FBXL13: variants seen among roughly 807,000 people sequenced by gnomAD.
FBXL13 encodes the protein F-box and leucine-rich repeat protein 13.
FBXL13 carries 67 observed loss-of-function variants against 83.6 expected under a neutral mutation model. The ratio of observed to expected loss-of-function variants is 0.80; its 90% CI spans 0.66 to 0.98. The LOEUF is 0.98. Among genes scored for constraint, FBXL13 ranks in the 50% least tolerant of loss-of-function variants. The pLI is 0.00. For synonymous variants in FBXL13, 272 were observed against 299.5 expected (o/e 0.91, Z 0.95); for missense variants, 822 against 866.5 (o/e 0.95, Z 0.64).
chr7:102,844,413 G>C (rs1180718018), intron 17 of FBXL13, among the ~76,000 whole-genome samples: 1 of 152,136 alleles, frequency 6.6e-6, no homozygotes, highest in African/African-American at 2.4e-5. Flanking sequence ...CAAATTACTT[G>C]TAGGTAGAGT....
At chr7:102,875,296 ATG>A (rs1809071413) in intron 16 of FBXL13, among the ~76,000 whole-genome samples, 1 of 152,112 alleles carries the variant, frequency 6.6e-6, no homozygotes, top group Middle Eastern at 3.2e-3. Context: ...AAAAGAATCT[ATG>A]TCAAAAGGAA....
chr7:103,031,575 C>T (rs1014225617), intron 2 of FBXL13, among the ~76,000 whole-genome samples: 2 of 152,134 alleles, frequency 1.3e-5, no homozygotes, highest in African/African-American at 4.8e-5. Context: ...CCTCACATAA[C>T]ACTCACACCA....
chr7:102,976,691 C>T (rs181825969), intron 6 of FBXL13, among the ~76,000 whole-genome samples: 1 of 152,308 alleles, frequency 6.6e-6, no homozygotes, highest in African/African-American at 2.4e-5. Context: ...GTTCCTATCA[C>T]AGAAGCAGTA....
At chr7:102,881,785 T>C (rs978253153) in intron 14 of FBXL13, among the ~76,000 whole-genome samples, 2 of 152,204 alleles carry the variant, frequency 1.3e-5, no homozygotes, top group Non-Finnish European at 2.9e-5. Context: ...ACTGGGGCTG[T>C]AGGGTCTGCT....
intron 19 of FBXL13, among the ~76,000 whole-genome samples, chr7:102,817,365 T>C (rs1798154540): frequency 6.6e-6 from 1 of 152,228 alleles, no homozygotes; most frequent in Non-Finnish European, 1.5e-5. Flanking sequence ...TTAGTGATGT[T>C]GAGCATTTTT....
At chr7:102,923,307 C>T (rs1817450976) in intron 10 of FBXL13, among the ~76,000 whole-genome samples, 1 of 151,954 alleles carries the variant, frequency 6.6e-6, no homozygotes, top group South Asian at 2.1e-4. Context: ...TAAATCAAGC[C>T]CCGATTTGTA....
At chr7:102,827,297 T>G in intron 18 of FBXL13, 1 of 305,966 alleles carries the variant, frequency 3.3e-6, no homozygotes, top group Non-Finnish European at 7.3e-6. Context: ...AAGAGATGAC[T>G]GCAAAGAGAT....
At chr7:102,968,197 G>T in intron 6 of FBXL13, 80 bp from the exon 8 acceptor site, 1 of 850,428 alleles carries the variant, frequency 1.2e-6, no homozygotes. Context: ...GTCTGTGTGT[G>T]TGCACACATG....
intron 16 of FBXL13, among the ~76,000 whole-genome samples, chr7:102,862,929 T>C (rs565639336): frequency 1.3e-5 from 2 of 152,352 alleles, no homozygotes; most frequent in African/African-American, 4.8e-5. Flanking sequence ...CTCTTCTCTT[T>C]GTGACTCTCA....
chr7:102,896,556 T>C (rs1038713671), intron 11 of FBXL13, among the ~76,000 whole-genome samples: 4 of 152,212 alleles, frequency 2.6e-5, no homozygotes, highest in Non-Finnish European at 5.9e-5. Flanking sequence ...AACAGAAATG[T>C]ATTCTCTGGT....
At chr7:102,969,514 G>C (rs1015703488) in intron 6 of FBXL13, among the ~76,000 whole-genome samples, 1 of 151,836 alleles carries the variant, frequency 6.6e-6, no homozygotes, top group East Asian at 1.9e-4. Flanking sequence ...GAGAGAGAGA[G>C]AAATCCAGGA....
At chr7:102,823,746 T>G (rs1799144254) in intron 18 of FBXL13, among the ~76,000 whole-genome samples, 1 of 152,378 alleles carries the variant, frequency 6.6e-6, no homozygotes, top group Non-Finnish European at 1.5e-5. Context: ...GGCTCTTGTT[T>G]TAACATAAAG....
At chr7:103,050,352 G>C (rs904026882) in intron 2 of FBXL13, among the ~76,000 whole-genome samples, 1 of 152,156 alleles carries the variant, frequency 6.6e-6, no homozygotes, top group Non-Finnish European at 1.5e-5. Context: ...CAGCCCTAGC[G>C]TCCCAGCTTG....
chr7:102,855,566 A>T (rs1328674763), intron 16 of FBXL13, among the ~76,000 whole-genome samples: 1 of 152,076 alleles, frequency 6.6e-6, no homozygotes, highest in Non-Finnish European at 1.5e-5. Context: ...TTCAATCAGG[A>T]TCACATTACT....
At chr7:102,928,189 G>T (rs1306679088) in intron 9 of FBXL13, among the ~76,000 whole-genome samples, 1 of 152,126 alleles carries the variant, frequency 6.6e-6, no homozygotes, top group East Asian at 1.9e-4. Context: ...GAGATGAGGA[G>T]GTAATGCATT....
chr7:102,912,599 G>A (rs753356176), intron 11 of FBXL13, among the ~76,000 whole-genome samples: 13 of 151,104 alleles, frequency 8.6e-5, no homozygotes, highest in African/African-American at 1.2e-4. Context: ...TCAGCCCAAC[G>A]GTGTAATGCA....
chr7:102,933,684 C>T (rs376142266), intron 8 of FBXL13: 26 of 346,256 alleles, frequency 7.5e-5, no homozygotes, highest in East Asian at 6.1e-4. Flanking sequence ...AACTAGAAGG[C>T]CTTTGCCTTA....
intron 4 of FBXL13, 104 bp from the exon 6 acceptor site, chr7:103,027,662 A>G: frequency 3.0e-6 from 2 of 669,530 alleles, no homozygotes; most frequent in Non-Finnish European, 4.7e-6. Flanking sequence ...ACAATGTCGC[A>G]TCTGATCGTT....
intron 1 of FBXL13, among the ~76,000 whole-genome samples, chr7:103,060,913 C>T (rs1189500054): frequency 6.6e-6 from 1 of 152,156 alleles, no homozygotes; most frequent in Non-Finnish European, 1.5e-5. Flanking sequence ...GATTGCCATC[C>T]CCCTGTGGGA....
Sources: allele counts gnomAD v4.1 joint callset (sites outside exome capture counted in the v4.1 genomes callset), GRCh38; gene constraint gnomAD v4.1.1; transcripts MANE v1.5; gene names NCBI Gene and HGNC (gene_info 2026-07-23, HGNC 2026-07-21).